Variants in LAMB4 observed in about 807,000 individuals in gnomAD.
LAMB4 encodes the protein laminin subunit beta-4.
A neutral mutation model predicts 199.2 loss-of-function variants in LAMB4; 196 were observed. The ratio of observed to expected loss-of-function variants is 0.98; its 90% CI spans 0.88 to 1.11. The LOEUF (loss-of-function observed/expected upper bound fraction) is 1.11, where lower values mean the gene tolerates loss of function less well. LAMB4 is among the 50% of genes least tolerant of loss of function. The pLI, the probability that LAMB4 is intolerant of heterozygous loss-of-function variation, is 0.00. For synonymous variants in LAMB4, 744 were observed against 770.6 expected (o/e 0.97, Z 0.57); for missense variants, 2,080 against 2,171.2 (o/e 0.96, Z 0.83).
At chr7:108,024,452 A>T (rs963021232) in intron 33 of LAMB4, among the ~76,000 whole-genome samples, 2 of 152,258 alleles carry the variant, frequency 1.3e-5, no homozygotes, top group Non-Finnish European at 2.9e-5. Flanking sequence ...AAATGAAAAG[A>T]CAGATAACAT....
intron 18 of LAMB4, 73 bp downstream of exon 18, chr7:108,069,635 T>C: frequency 7.1e-7 from 1 of 1,409,302 alleles, no homozygotes; most frequent in Non-Finnish European, 9.8e-7. Context: ...GATGCTAACA[T>C]AAATTGATTT....
chr7:108,111,281 C>T (rs897309875), intron 4 of LAMB4, among the ~76,000 whole-genome samples: 1 of 152,190 alleles, frequency 6.6e-6, no homozygotes, highest in African/African-American at 2.4e-5. Flanking sequence ...CTCAATATCG[C>T]AATTGTTCAT....
chr7:108,108,744 TG>T (rs1392451624), intron 5 of LAMB4, among the ~76,000 whole-genome samples: 2 of 152,062 alleles, frequency 1.3e-5, no homozygotes, highest in African/African-American at 4.8e-5. Context: ...TTTTCCTGAA[TG>T]ATTAAAGAAG....
Position 108,040,297 on chromosome 7 carries a change from G to C in LAMB4, c.4472-2702C>G, listed in dbSNP as rs560256610. ...AATGGAAAAAGATTCCATGCTCATA[G>C]ATAGGAAGAATCAATATCATTAAAA... On this transcript the variant is annotated intron_variant, in intron 29 of 33. Coordinates refer to ENST00000388781, the MANE Select transcript of LAMB4 (RefSeq NM_007356.3). Among the ~76,000 whole-genome samples the C allele has an allele frequency of 7.9e-5, 12 of 152,268 alleles. No individual in the cohort carries two copies. In the East Asian group the frequency reaches 1.7e-3, roughly 22 times the overall value.
In LAMB4 at chr7:108,049,965, T is replaced by C. The variant is rs139466125; in HGVS notation, c.3917-434A>G. On this transcript the variant is annotated intron_variant, in intron 26 of 33. Coordinates refer to ENST00000388781, the MANE Select transcript of LAMB4 (RefSeq NM_007356.3). ...ATACACTCAAATATAATAAACCAACTAAATTTACTTAACCGTATAGAGCAG... is the reference window on the plus strand; with the variant it reads ...ATACACTCAAATATAATAAACCAACCAAATTTACTTAACCGTATAGAGCAG... Among the ~76,000 whole-genome samples, 312 of 152,328 alleles carry C rather than the reference T, an allele frequency of 2.0e-3. 2 individuals carry two copies. The highest frequency in any genetic ancestry group is 3.2e-4 in the Non-Finnish European group (22 of 68,026).
intron 23 of LAMB4, among the ~76,000 whole-genome samples, chr7:108,061,273 C>G (rs1276503072): frequency 2.0e-5 from 3 of 152,106 alleles, no homozygotes; most frequent in South Asian, 2.1e-4. Context: ...TTAAGGAAAT[C>G]TGACTAAATT....
At chr7:108,107,853 CA>C (rs750237455) in intron 5 of LAMB4, 34 bp from the exon 6 acceptor site, 2 of 1,458,408 alleles carry the variant, frequency 1.4e-6, no homozygotes, top group East Asian at 4.8e-5. Flanking sequence ...GCACATTTCA[CA>C]AAGGCAGATT....
the LAMB4 span, among the ~76,000 whole-genome samples, chr7:108,014,439 A>G: frequency 7.1e-6 from 1 of 141,200 alleles, no homozygotes; most frequent in South Asian, 2.1e-4. Flanking sequence ...AAATATGTTT[A>G]GCTGTGTTGA....
At chr7:108,051,230 G>A (rs1276482156) in intron 26 of LAMB4, among the ~76,000 whole-genome samples, 5 of 152,048 alleles carry the variant, frequency 3.3e-5, no homozygotes, top group Non-Finnish European at 1.5e-5. Flanking sequence ...ATACATCTTT[G>A]CTAGAATTTG....
chr7:108,026,131 T>G (rs2034827400), intron 33 of LAMB4, among the ~76,000 whole-genome samples: 1 of 152,162 alleles, frequency 6.6e-6, no homozygotes, highest in Non-Finnish European at 1.5e-5. Context: ...CCCCTTCAGG[T>G]GTAGAGAGGC....
intron 17 of LAMB4, among the ~76,000 whole-genome samples, chr7:108,070,258 G>A (rs2036487969): frequency 6.6e-6 from 1 of 152,230 alleles, no homozygotes. Flanking sequence ...GACTAAACCT[G>A]TGCAGATACA....
intron 14 of LAMB4, 25 bp downstream of exon 14, chr7:108,091,601 T>C (rs1360185317): frequency 1.2e-6 from 2 of 1,607,390 alleles, no homozygotes; most frequent in Non-Finnish European, 1.7e-6. Flanking sequence ...ACACAGTCTG[T>C]AGGGAAAGTA....
intron 14 of LAMB4, among the ~76,000 whole-genome samples, chr7:108,085,432 A>C (rs2037133108): frequency 6.6e-6 from 1 of 152,192 alleles, no homozygotes; most frequent in African/African-American, 2.4e-5. Flanking sequence ...TAATAATTTT[A>C]AATTTTAATA....
Position 108,055,993 on chromosome 7 carries a change from T to C in LAMB4, c.3394A>G (p.Arg1132Gly), listed in dbSNP as rs148883981. ...PGRCIPCDCNRAGTQKPICDP... is the reference protein window; with the variant it reads ...PGRCIPCDCNGAGTQKPICDP... ...CAGATGGGCTTCTGGGTACCTGCCC[T>C]GTTACAATCACATGCTAAAAAGGAA... is the stretch of plus-strand genomic sequence containing the variant. Residue 1132 changes from arginine to glycine, a missense_variant, in exon 25 of 34, where the codon AGG (arginine) becomes GGG (glycine). Coordinates refer to ENST00000388781, the MANE Select transcript of LAMB4 (RefSeq NM_007356.3). 1.4e-4 allele frequency: 224 copies of C among 1,607,170 alleles called. No individual in the cohort carries two copies. Among genetic ancestry groups the C allele is most frequent in the Non-Finnish European group, 6.2e-5 (73 of 1,175,968 alleles).
At chr7:108,057,703 G>A in intron 24 of LAMB4, 129 bp downstream of exon 24, 1 of 620,564 alleles carries the variant, frequency 1.6e-6, no homozygotes, top group South Asian at 2.0e-5. Flanking sequence ...ATTAAACTTT[G>A]TGAGTTTTCT....
chr7:108,091,940 T>C (rs1280604567), intron 13 of LAMB4, among the ~76,000 whole-genome samples, 164 bp from the exon 14 acceptor site: 1 of 152,182 alleles, frequency 6.6e-6, no homozygotes, highest in Admixed American at 6.5e-5. Flanking sequence ...TTAACATAAC[T>C]GGTCTTGAAT....
intron 28 of LAMB4, among the ~76,000 whole-genome samples, chr7:108,044,699 C>G (rs995936459): frequency 2.6e-5 from 4 of 151,936 alleles, no homozygotes; most frequent in South Asian, 2.1e-4. Flanking sequence ...CGCCTGTAAT[C>G]CCCAGCACTT....
intron 21 of LAMB4, 51 bp downstream of exon 21, chr7:108,065,711 T>G: frequency 6.8e-7 from 1 of 1,469,280 alleles, no homozygotes; most frequent in East Asian, 2.3e-5. Context: ...ATTTTACAGA[T>G]TACAGTGTGG....
intron 2 of LAMB4, among the ~76,000 whole-genome samples, chr7:108,120,091 C>T (rs189162194): frequency 9.1e-4 from 138 of 152,182 alleles, no homozygotes; most frequent in Non-Finnish European, 1.7e-3. Flanking sequence ...TTGTGCCAAG[C>T]CTTATTTCAG....
Sources: allele counts gnomAD v4.1 joint callset (sites outside exome capture counted in the v4.1 genomes callset), GRCh38; gene constraint gnomAD v4.1.1; transcripts MANE v1.5; gene names NCBI Gene and HGNC (gene_info 2026-07-23, HGNC 2026-07-21).